PHF14: variants seen among roughly 807,000 people sequenced by gnomAD.
PHF14 encodes PHD finger protein 14.
Under a neutral mutation model 117.9 loss-of-function variants are expected in PHF14, and 55 were observed. The ratio of observed to expected loss-of-function variants is 0.47; its 90% CI spans 0.38 to 0.58. The LOEUF (loss-of-function observed/expected upper bound fraction) is 0.58, where lower values mean the gene tolerates loss of function less well. Among genes scored for constraint, PHF14 ranks in the 20% least tolerant of loss-of-function variants. The pLI is 0.00. For missense variants in PHF14, 978 were observed against 1,122.2 expected, an observed-to-expected ratio of 0.87 and a Z score of 1.84; for synonymous variants, 409 against 368.6, an observed-to-expected ratio of 1.11 and a Z score of -1.26.
chr7:10,996,645 A>G (rs1782659097), intron 4 of PHF14, among the ~76,000 whole-genome samples: 1 of 152,376 alleles, frequency 6.6e-6, no homozygotes, highest in Middle Eastern at 3.4e-3. Context: ...TCATTAAATA[A>G]ATATAAAATA....
chr7:11,058,725 A>G lies in PHF14; in HGVS notation c.2482-3066A>G, dbSNP rs115426877. On this transcript the variant is annotated intron_variant, in intron 14 of 17. Coordinates refer to ENST00000634607, the MANE Select transcript of PHF14 (RefSeq NM_001007157.2). ...TTTAAGTATTTACGTGCAATAAGAGATTTGCATTCTGAATGATTTAGCTCA... is the reference window on the plus strand; with the variant it reads ...TTTAAGTATTTACGTGCAATAAGAGGTTTGCATTCTGAATGATTTAGCTCA... Among the ~76,000 whole-genome samples, 959 of 152,266 alleles carry G rather than the reference A, an allele frequency of 6.3e-3. 10 individuals carry two copies. The highest frequency in any genetic ancestry group is 0.022 in the African/African-American group (912 of 41,552).
At chr7:11,011,491 T>G (rs547471281) in intron 4 of PHF14, among the ~76,000 whole-genome samples, 1 of 152,356 alleles carries the variant, frequency 6.6e-6, no homozygotes, top group South Asian at 2.1e-4. Context: ...GTTTATTGCG[T>G]GTTACTTTGG....
chr7:11,050,524 C>T (rs1326663791), intron 13 of PHF14, among the ~76,000 whole-genome samples: 1 of 152,018 alleles, frequency 6.6e-6, no homozygotes, highest in East Asian at 1.9e-4. Context: ...TAAATGTTAG[C>T]CACTAGCCAC....
chr7:11,008,697 C>T (rs1783219858), intron 4 of PHF14, among the ~76,000 whole-genome samples: 1 of 152,084 alleles, frequency 6.6e-6, no homozygotes, highest in African/African-American at 2.4e-5. Flanking sequence ...AAGTATTATG[C>T]ATGTTGTAGG....
At chr7:11,057,166 A>G (rs1478831328) in intron 14 of PHF14, among the ~76,000 whole-genome samples, 3 of 152,172 alleles carry the variant, frequency 2.0e-5, no homozygotes, top group East Asian at 3.8e-4. Context: ...GTTTACTGAT[A>G]TCAAAGATGT....
intron 17 of PHF14, among the ~76,000 whole-genome samples, chr7:11,141,772 T>G (rs1788405431): frequency 6.6e-6 from 1 of 152,056 alleles, no homozygotes; most frequent in Non-Finnish European, 1.5e-5. Context: ...AAAGCTAGTC[T>G]GAACGTGTGT....
chr7:11,121,884 G>C (rs1195703872), intron 17 of PHF14, among the ~76,000 whole-genome samples: 3 of 151,428 alleles, frequency 2.0e-5, no homozygotes, highest in African/African-American at 4.9e-5. Flanking sequence ...TCTGGGGTAC[G>C]TGTCCAGAAC....
intron 4 of PHF14, among the ~76,000 whole-genome samples, chr7:11,013,092 C>A (rs1783407995): frequency 6.6e-6 from 1 of 152,102 alleles, no homozygotes; most frequent in Non-Finnish European, 1.5e-5. Flanking sequence ...TACAAAGGGA[C>A]CTCAGTAAGT....
intron 3 of PHF14, among the ~76,000 whole-genome samples, chr7:10,987,813 T>C (rs1206392305): frequency 6.6e-6 from 1 of 152,036 alleles, no homozygotes; most frequent in Non-Finnish European, 1.5e-5. Flanking sequence ...TCAGGTTTTG[T>C]ATTGATCTAA....
chr7:11,076,770 G>A (rs1439551282), intron 16 of PHF14, among the ~76,000 whole-genome samples: 1 of 151,506 alleles, frequency 6.6e-6, no homozygotes, highest in Non-Finnish European at 1.5e-5. Flanking sequence ...GTTTTGCAAT[G>A]TTGTCCAGGC....
At chr7:11,015,507 T>C (rs534105916) in intron 5 of PHF14, among the ~76,000 whole-genome samples, 1 of 152,312 alleles carries the variant, frequency 6.6e-6, no homozygotes, top group South Asian at 2.1e-4. Flanking sequence ...GGCCTAGTAT[T>C]AGGGAGTTTA....
Position 11,028,758 on chromosome 7 carries a change from C to T in PHF14, c.1395C>T (p.Ala465=). Residue 465 remains alanine, a synonymous_variant, in exon 7 of 18, where the codon GCC becomes GCT. Coordinates refer to ENST00000634607, the MANE Select transcript of PHF14 (RefSeq NM_001007157.2). The stretch of plus-strand genomic sequence containing the variant: ...GCTGTGATGCAGGGATGTGCAGAGC[C>T]TATTTCCATGTGACCTGTGCTCAAA... ...CISCDAGMCR[A]YFHVTCAQKE... is the part of the protein sequence containing the mutation. The T allele has an allele frequency of 1.9e-6, 3 of 1,613,764 alleles. No individual in the cohort carries two copies. Among genetic ancestry groups the T allele is most frequent in the Non-Finnish European group, 2.5e-6 (3 of 1,179,732 alleles).
intron 16 of PHF14, chr7:11,105,742 G>C: frequency 1.0e-6 from 1 of 984,804 alleles, no homozygotes; most frequent in Non-Finnish European, 1.2e-6. Context: ...CTCACTTTAA[G>C]GCTTTCTGTA....
At chr7:11,047,795 CAGA>C (rs1326273369) in intron 13 of PHF14, among the ~76,000 whole-genome samples, 1 of 118,158 alleles carries the variant, frequency 8.5e-6, no homozygotes, top group Non-Finnish European at 1.6e-5. Context: ...CACAAAAAGA[CAGA>C]AGAAGAGGAG....
intron 6 of PHF14, among the ~76,000 whole-genome samples, chr7:11,026,613 T>G (rs1307357047): frequency 6.6e-6 from 1 of 152,192 alleles, no homozygotes; most frequent in Non-Finnish European, 1.5e-5. Context: ...GTAAGGAAAT[T>G]ACTTAATTGA....
chr7:11,169,479 C>T lies in PHF14; in HGVS notation c.2836C>T (p.Pro946Ser). The T allele has an allele frequency of 1.4e-6, 2 of 1,473,186 alleles. No individual in the cohort carries two copies. The highest frequency in any genetic ancestry group is 1.8e-6 in the Non-Finnish European group (2 of 1,091,536). 91.3% of individuals were successfully genotyped at this position (1,473,186 alleles called of 1,614,324 possible). A position where few individuals can be genotyped will look rare whatever the true frequency, so the allele number is the denominator to read the frequency against. ...SQELNMEQKN[P>S]KK ...GGAGCTCAACATGGAACAGAAAAAT[C>T]CAAAGAAATAAAAGATTTTCTGTAG... Residue 946 changes from proline (P) to serine (S), a missense_variant, in exon 18 of 18, where the codon CCA becomes TCA. Transcript: ENST00000634607.
chr7:11,044,022 T>C (rs536790830), intron 13 of PHF14, among the ~76,000 whole-genome samples: 133 of 151,886 alleles, frequency 8.8e-4, no homozygotes, highest in South Asian at 4.8e-3. Context: ...AGGGAAATCA[T>C]GTTCTTTGTA....
intron 13 of PHF14, among the ~76,000 whole-genome samples, chr7:11,048,072 C>G (rs569338384): frequency 2.0e-5 from 3 of 151,948 alleles, no homozygotes; most frequent in African/African-American, 7.2e-5. Flanking sequence ...TGGCTTGGAT[C>G]AATTAAAAGG....
At position 11,031,259 on chromosome 7, in the gene PHF14, G is replaced by C. The variant is rs17163912; in HGVS notation, c.1455+2441G>C. Among the ~76,000 whole-genome samples the C allele has an allele frequency of 6.3e-4, 96 of 151,822 alleles. 3 individuals carry two copies. The East Asian group carries it at 0.016, about 26-fold the overall frequency. On this transcript the variant is annotated intron_variant, in intron 7 of 17. Transcript: ENST00000634607. Reference sequence around the variant, plus strand: ...ATCTAATGACATTGTGTACCTTTCTGTATTTTTTATGACTTTGTATAGCCT... The same window carrying C: ...ATCTAATGACATTGTGTACCTTTCTCTATTTTTTATGACTTTGTATAGCCT...
Sources: gnomAD v4.1 joint callset for allele counts (sites outside exome capture counted in the v4.1 genomes callset) on GRCh38, gnomAD v4.1.1 for gene constraint, MANE v1.5 for transcripts, NCBI Gene and HGNC (gene_info 2026-07-23, HGNC 2026-07-21) for gene names.